Variants in CD46 observed in about 807,000 individuals in gnomAD.
The protein encoded by CD46 is CD46 molecule, also known as membrane cofactor protein.
In CD46, 30 loss-of-function variants were observed where a neutral mutation model predicts 53.3. The ratio of observed to expected loss-of-function variants is 0.56; its 90% CI spans 0.42 to 0.76. The LOEUF is 0.76. Ranked by LOEUF, CD46 falls within the 30% of genes least tolerant of loss-of-function variation. The pLI is 0.00. For missense variants in CD46, 409 were observed against 463.0 expected (o/e 0.88, Z 1.07); for synonymous variants, 142 against 152.0 (o/e 0.93, Z 0.48).
chr1:207,783,016 T>C (rs568706873), intron 8 of CD46, among the ~76,000 whole-genome samples: 1 of 152,150 alleles, frequency 6.6e-6, no homozygotes, highest in South Asian at 2.1e-4. Context: ...TTTGAGAAAA[T>C]AGTACAGATA....
rs1660007016 is a variant in CD46, at chr1:207,793,636, T to G, written c.*159T>G. On this transcript the variant is annotated 3_prime_UTR_variant, in exon 13 of 13. Transcript: ENST00000367042. The stretch of plus-strand genomic sequence containing the variant: ...TTGCCAGTTCATCTTTTGACTCTAT[T>G]AAAATCTTCAATAGTTGTTATTCTG... The G allele has an allele frequency of 6.8e-7, 1 of 1,477,108 alleles. No individual in the cohort carries two copies. The highest frequency in any genetic ancestry group is 1.4e-5 in the African/African-American group (1 of 72,284). The allele number at this position is 1,477,108 out of a possible 1,614,324, so 91.5% of individuals were successfully genotyped here. A position where few individuals can be genotyped will look rare whatever the true frequency, so the allele number is the denominator to read the frequency against.
At chr1:207,761,520 A>G in intron 5 of CD46, 74 bp downstream of exon 5, 2 of 1,236,130 alleles carry the variant, frequency 1.6e-6, no homozygotes, top group Non-Finnish European at 2.4e-6. Flanking sequence ...TCATCTACAG[A>G]TAAACAAAGC....
In CD46 at chr1:207,753,723, G is replaced by C. The variant is rs145999445; in HGVS notation, c.97+1414G>C. On this transcript the variant is annotated intron_variant, in intron 1 of 12. Coordinates refer to ENST00000367042, the MANE Select transcript of CD46 (RefSeq NM_172351.3). The stretch of plus-strand genomic sequence containing the variant: ...CCGCTAAGAAATACATGCTTATTGT[G>C]CGATACGAACAGAATCAAAAGACAG... Among the ~76,000 whole-genome samples the C allele has an allele frequency of 2.0e-3, 310 of 151,988 alleles. 1 individual carries two copies. Among genetic ancestry groups the C allele is most frequent in the African/African-American group, 7.2e-3 (299 of 41,500 alleles).
In CD46 at chr1:207,790,309, G is replaced by T; in HGVS notation, c.*5G>T. On this transcript the variant is annotated 3_prime_UTR_variant, in exon 12 of 13. Coordinates refer to ENST00000367042, the MANE Select transcript of CD46 (RefSeq NM_172351.3). ...GTAAAATTTACTTCTCTCTGAGAAG[G>T]AGAGATGAGAGAAAGGTTTGCTTTT... 1 of 1,590,722 alleles carries T rather than the reference G, an allele frequency of 6.3e-7. No homozygotes were observed. Among genetic ancestry groups the T allele is most frequent in the East Asian group, 2.2e-5 (1 of 44,700 alleles).
Position 207,779,913 on chromosome 1 carries a change from C to CTTTTTTTTT in CD46, c.944-3368_944-3360dup, listed in dbSNP as rs66758503. ...TTCTATTCTTGTAGCAAAAGCAAGT[C>CTTTTTTTTT]TTTTTTTTTTTTTTTTTTTACTGTA... On this transcript the variant is annotated intron_variant, in intron 8 of 12. Coordinates refer to ENST00000367042, the MANE Select transcript of CD46 (RefSeq NM_172351.3). Among the ~76,000 whole-genome samples the CTTTTTTTTT allele has an allele frequency of 1.7e-3, 107 of 62,366 alleles. 8 individuals carry two copies. The highest frequency in any genetic ancestry group is 6.1e-3 in the African/African-American group (96 of 15,826). The allele number at this position is 62,366 out of a possible 152,430, so 40.9% of individuals were successfully genotyped here. A position where few individuals can be genotyped will look rare whatever the true frequency, so the allele number is the denominator to read the frequency against.
At position 207,761,481 on chromosome 1, in the gene CD46, A is replaced by G. The variant is rs1264783857; in HGVS notation, c.673+35A>G. The G allele has an allele frequency of 2.0e-6, 3 of 1,531,746 alleles. No homozygotes were observed. In the Admixed American group the frequency reaches 5.0e-5, roughly 26 times the overall value. The allele number at this position is 1,531,746 out of a possible 1,614,324, so 94.9% of individuals were successfully genotyped here. On this transcript the variant is annotated intron_variant, in intron 5 of 12. Coordinates refer to ENST00000367042, the MANE Select transcript of CD46 (RefSeq NM_172351.3). ...CAATTTATTTCCTTCTTCATTTGTA[A>G]ATACTATGGAAACATTTTGTAAATA...
intron 5 of CD46, 108 bp downstream of exon 5, chr1:207,761,554 G>C (rs193293177): frequency 9.5e-6 from 8 of 842,834 alleles, no homozygotes; most frequent in Non-Finnish European, 1.6e-5. Flanking sequence ...TCCTCCTCCT[G>C]TATAATTGGT....
chr1:207,780,542 G>A (rs945740012), intron 8 of CD46, among the ~76,000 whole-genome samples: 4 of 151,946 alleles, frequency 2.6e-5, no homozygotes, highest in African/African-American at 9.7e-5. Flanking sequence ...TTGAGTTCCC[G>A]TATTCAGTTC....
At chr1:207,784,931 G>A in intron 9 of CD46, 140 bp from the exon 10 acceptor site, 1 of 727,506 alleles carries the variant, frequency 1.4e-6, no homozygotes, top group South Asian at 1.5e-5. Context: ...CAACACGTGG[G>A]GATTATGGGA....
intron 8 of CD46, among the ~76,000 whole-genome samples, chr1:207,773,034 T>G (rs1657693331): frequency 6.6e-6 from 1 of 152,144 alleles, no homozygotes; most frequent in Non-Finnish European, 1.5e-5. Flanking sequence ...GGTCCTGGAC[T>G]TTTTTTGGTT....
intron 2 of CD46, 110 bp downstream of exon 2, chr1:207,757,312 TC>T: frequency 9.3e-7 from 1 of 1,078,418 alleles, no homozygotes; most frequent in Non-Finnish European, 1.4e-6. Context: ...AAAATGAGGT[TC>T]AAGATAACAA....
chr1:207,776,572 G>A (rs1359447353), intron 8 of CD46, among the ~76,000 whole-genome samples: 1 of 152,132 alleles, frequency 6.6e-6, no homozygotes, highest in African/African-American at 2.4e-5. Context: ...TTAAATGATG[G>A]GTGAAAAATA....
intron 8 of CD46, among the ~76,000 whole-genome samples, chr1:207,774,159 A>T (rs955421196): frequency 2.7e-5 from 4 of 150,334 alleles, no homozygotes; most frequent in African/African-American, 9.8e-5. Context: ...GTCTCTTTTG[A>T]TCTTTGTTGG....
chr1:207,788,474 C>T (rs925910553), intron 11 of CD46, among the ~76,000 whole-genome samples: 2 of 151,806 alleles, frequency 1.3e-5, no homozygotes, highest in African/African-American at 2.4e-5. Context: ...AGCGAGATTG[C>T]GCCACTGCAC....
At chr1:207,763,915 G>A (rs1194302803) in intron 5 of CD46, among the ~76,000 whole-genome samples, 1 of 147,092 alleles carries the variant, frequency 6.8e-6, no homozygotes. Context: ...GTTACAGTGA[G>A]AGCTTGGTCA....
chr1:207,762,345 T>A (rs1211001566), intron 5 of CD46, among the ~76,000 whole-genome samples: 1 of 152,186 alleles, frequency 6.6e-6, no homozygotes, highest in Non-Finnish European at 1.5e-5. Flanking sequence ...GATCTAATTT[T>A]CCACCTTAAG....
At chr1:207,755,246 C>T (rs1237870059) in intron 1 of CD46, among the ~76,000 whole-genome samples, 2 of 151,934 alleles carry the variant, frequency 1.3e-5, no homozygotes, top group Admixed American at 6.6e-5. Flanking sequence ...TAGGGTGCAA[C>T]ATGGAAAATA....
intron 11 of CD46, among the ~76,000 whole-genome samples, chr1:207,788,012 T>G (rs1343953370): frequency 6.6e-6 from 1 of 152,212 alleles, no homozygotes; most frequent in Non-Finnish European, 1.5e-5. Flanking sequence ...GCTGCTGCTG[T>G]GCCTGGGCTA....
In CD46 at chr1:207,770,324, C is replaced by T; in HGVS notation, c.905C>T (p.Pro302Leu). ...AAAATCAAACTTATTTTTCTAGGTC[C>T]TAGGCCTACTTACAAGCCTCCAGTC... ...TKSPASSASGPRPTYKPPVSN... is the reference protein window; with the variant it reads ...TKSPASSASGLRPTYKPPVSN... The change falls in exon 8 of 13, where the codon CCT (proline) becomes CTT (leucine). Residue 302 changes from proline (P) to leucine (L), a missense_variant. By Grantham distance (98) the Pro-to-Leu change is moderately conservative (BLOSUM62 -3). Transcript: ENST00000367042. 1 of 1,604,098 alleles carries T rather than the reference C, an allele frequency of 6.2e-7. No homozygotes were observed. The highest frequency in any genetic ancestry group is 8.5e-7 in the Non-Finnish European group (1 of 1,171,374).
Sources: gnomAD v4.1 joint callset for allele counts (sites outside exome capture counted in the v4.1 genomes callset) on GRCh38, gnomAD v4.1.1 for gene constraint, MANE v1.5 for transcripts, NCBI Gene and HGNC (gene_info 2026-07-23, HGNC 2026-07-21) for gene names.